The following ATP6V0D2 variants were observed in gnomAD, a reference collection of about 807,000 sequenced individuals.
ATP6V0D2 encodes V-type proton ATPase subunit d 2.
Under a neutral mutation model 40.0 loss-of-function variants are expected in ATP6V0D2, and 40 were observed. The observed-to-expected ratio is 1.00, with a 90% CI of 0.78 to 1.30. The LOEUF is 1.30. ATP6V0D2 is among the 50% of genes most tolerant of loss of function. The probability of loss-of-function intolerance (pLI) is 0.00; values close to 1 mark genes in which losing one functional copy is unlikely to be tolerated. For missense variants in ATP6V0D2, 470 were observed against 423.1 expected (o/e 1.11, Z -0.97); for synonymous variants, 179 against 156.3 (o/e 1.15, Z -1.08).
At chr8:86,102,953 A>G (rs931495791) in intron 1 of ATP6V0D2, among the ~76,000 whole-genome samples, 4 of 152,208 alleles carry the variant, frequency 2.6e-5, no homozygotes, top group Admixed American at 1.3e-4. Flanking sequence ...TTGCATCAGA[A>G]TTTTTAAAAA....
At chr8:86,114,154 T>G (rs1383192165) in intron 2 of ATP6V0D2, among the ~76,000 whole-genome samples, 2 of 152,072 alleles carry the variant, frequency 1.3e-5, no homozygotes, top group Admixed American at 6.6e-5. Context: ...AAAAAAAGTG[T>G]TGCCAGTGTT....
rs58562918 is a variant in ATP6V0D2 at position 86,138,040 on chromosome 8, G to A, written c.303-1417G>A. Among the ~76,000 whole-genome samples, 1,240 of 152,148 alleles carry A rather than the reference G, an allele frequency of 8.1e-3. 19 individuals carry two copies. Among genetic ancestry groups the A allele is most frequent in the African/African-American group, 0.028 (1,171 of 41,484 alleles). On this transcript the variant is annotated intron_variant, in intron 2 of 7. Transcript: ENST00000285393. ...AGTGTAAGGGCAGTCAGTATCCTCCGTTGCCCTTAACATTCAAGTTCCTCA... is the reference window on the plus strand; with the variant it reads ...AGTGTAAGGGCAGTCAGTATCCTCCATTGCCCTTAACATTCAAGTTCCTCA...
intron 2 of ATP6V0D2, among the ~76,000 whole-genome samples, chr8:86,125,247 C>A (rs535493482): frequency 6.6e-6 from 1 of 152,222 alleles, no homozygotes; most frequent in East Asian, 1.9e-4. Context: ...TGGGCTTGGG[C>A]AACTGTATGG....
At chr8:86,110,358 G>A (rs1004062043) in intron 1 of ATP6V0D2, among the ~76,000 whole-genome samples, 4 of 152,186 alleles carry the variant, frequency 2.6e-5, no homozygotes, top group Non-Finnish European at 4.4e-5. Flanking sequence ...GCCTCCCAAA[G>A]TGCTGGGATT....
At chr8:86,135,736 T>C (rs1818887831) in intron 2 of ATP6V0D2, among the ~76,000 whole-genome samples, 1 of 152,210 alleles carries the variant, frequency 6.6e-6, no homozygotes, top group Non-Finnish European at 1.5e-5. Context: ...GTCTAGACCA[T>C]GAGTAGGAGA....
chr8:86,135,370 C>G (rs1586098229), intron 2 of ATP6V0D2, among the ~76,000 whole-genome samples: 1 of 152,182 alleles, frequency 6.6e-6, no homozygotes, highest in African/African-American at 2.4e-5. Flanking sequence ...GAAAGAATAG[C>G]TCTAAGATCA....
intron 2 of ATP6V0D2, among the ~76,000 whole-genome samples, chr8:86,130,219 T>C (rs1293703433): frequency 1.3e-5 from 2 of 152,138 alleles, no homozygotes; most frequent in African/African-American, 4.8e-5. Flanking sequence ...TGCTCTTTTT[T>C]ACCATTTTCA....
chr8:86,107,951 A>G lies in ATP6V0D2; in HGVS notation c.131-5758A>G, dbSNP rs573517545. ...TACATCTTCCGGTGTATTTATTAAA[A>G]GTCTGAGTAATTACCAGATTTGATG... On this transcript the variant is annotated intron_variant, in intron 1 of 7. Transcript: ENST00000285393. Among the ~76,000 whole-genome samples, 411 of 152,324 alleles carry G rather than the reference A, an allele frequency of 2.7e-3. 1 individual carries two copies. Among genetic ancestry groups the G allele is most frequent in the Non-Finnish European group, 4.8e-3 (329 of 68,036 alleles).
chr8:86,101,114 T>C (rs1258519357), intron 1 of ATP6V0D2, among the ~76,000 whole-genome samples: 4 of 145,546 alleles, frequency 2.7e-5, no homozygotes, highest in Admixed American at 7.0e-5. Flanking sequence ...GCCACTGCAC[T>C]CCAGCCTGGG....
intron 5 of ATP6V0D2, among the ~76,000 whole-genome samples, chr8:86,144,687 A>T (rs995567062): frequency 4.6e-5 from 7 of 152,104 alleles, no homozygotes; most frequent in African/African-American, 1.7e-4. Context: ...TTTTTGAGAC[A>T]GGGTCTCACT....
intron 5 of ATP6V0D2, among the ~76,000 whole-genome samples, chr8:86,144,197 G>A (rs1200544121): frequency 1.3e-5 from 2 of 152,126 alleles, no homozygotes; most frequent in African/African-American, 4.8e-5. Flanking sequence ...CATATGCATG[G>A]GAGATTCAGG....
chr8:86,135,810 G>A (rs1818888636), intron 2 of ATP6V0D2, among the ~76,000 whole-genome samples: 1 of 152,036 alleles, frequency 6.6e-6, no homozygotes, highest in Admixed American at 6.6e-5. Context: ...CTAAAACAGA[G>A]GTTTGAACTA....
At chr8:86,100,741 A>G (rs1157570587) in intron 1 of ATP6V0D2, among the ~76,000 whole-genome samples, 5 of 152,158 alleles carry the variant, frequency 3.3e-5, no homozygotes, top group African/African-American at 1.2e-4. Flanking sequence ...GGGCTGACTA[A>G]GTGTTTCTGA....
chr8:86,145,235 GAGAGAGAGAGAGAGAGAGAGAGAAA>G (rs1819039463), intron 5 of ATP6V0D2, among the ~76,000 whole-genome samples: 1 of 42,816 alleles, frequency 2.3e-5, no homozygotes, highest in African/African-American at 1.4e-4. Context: ...AAGAAAGAAA[GAGAGAGAGAGAGAGAGAGAGAGAAA>G]GAAAGAAAGA....
At chr8:86,122,519 G>A (rs1024162858) in intron 2 of ATP6V0D2, among the ~76,000 whole-genome samples, 2 of 152,130 alleles carry the variant, frequency 1.3e-5, no homozygotes, top group Non-Finnish European at 2.9e-5. Flanking sequence ...GTTGATACCA[G>A]GAAAGTCCTT....
intron 1 of ATP6V0D2, 60 bp from the exon 2 acceptor site, chr8:86,113,649 G>A (rs1289322045): frequency 1.4e-6 from 2 of 1,441,168 alleles, no homozygotes; most frequent in African/African-American, 2.8e-5. Context: ...AACTAATGTT[G>A]AAAAAGCTAT....
At chr8:86,145,607 T>C (rs1242163069) in intron 5 of ATP6V0D2, among the ~76,000 whole-genome samples, 1 of 152,134 alleles carries the variant, frequency 6.6e-6, no homozygotes, top group Non-Finnish European at 1.5e-5. Context: ...AAAAATAGTC[T>C]CTCTCAGTCA....
At chr8:86,146,084 T>C (rs761234968) in intron 5 of ATP6V0D2, among the ~76,000 whole-genome samples, 13 of 152,226 alleles carry the variant, frequency 8.5e-5, no homozygotes, top group Non-Finnish European at 1.6e-4. Flanking sequence ...CACTCTGCCA[T>C]AGTGCCTCTG....
chr8:86,113,726 C>T lies in ATP6V0D2; in HGVS notation c.148C>T (p.Gln50Ter). 1 of 1,607,596 alleles carries T rather than the reference C, an allele frequency of 6.2e-7. No homozygotes were observed. The highest frequency in any genetic ancestry group is 1.1e-5 in the South Asian group (1 of 89,720). Reference sequence around the variant, plus strand: ...AATTTCAGACCTGAAAATTCATCTCCAGACTACTGATTATGGTAACTTTTT... The same window carrying T: ...AATTTCAGACCTGAAAATTCATCTCTAGACTACTGATTATGGTAACTTTTT... ...ETLEDLKIHL[Q>*]TTDYGNFLAN... is the part of the protein sequence containing the mutation. The change falls in exon 2 of 8, where the codon CAG becomes TAG. Residue 50 changes from glutamine (Q) to a stop codon, truncating the protein, a stop_gained. Coordinates refer to ENST00000285393, the MANE Select transcript of ATP6V0D2 (RefSeq NM_152565.1). LOFTEE classifies it high-confidence loss of function.
Sources: allele counts gnomAD v4.1 joint callset (sites outside exome capture counted in the v4.1 genomes callset), GRCh38; gene constraint gnomAD v4.1.1; transcripts MANE v1.5; gene names NCBI Gene and HGNC (gene_info 2026-07-23, HGNC 2026-07-21).